The following NFU1 variants were observed in gnomAD, a reference collection of about 807,000 sequenced individuals.
NFU1 encodes the protein NFU1 iron-sulfur cluster scaffold.
In NFU1, 30 loss-of-function variants were observed where a neutral mutation model predicts 32.2. That is an observed-to-expected ratio of 0.93 (90% confidence interval 0.70 to 1.26). The LOEUF (loss-of-function observed/expected upper bound fraction) is 1.26. Ranked by LOEUF, NFU1 falls within the 50% of genes most tolerant of loss-of-function variation. The pLI, the probability that NFU1 is intolerant of heterozygous loss-of-function variation, is 0.00. For missense variants in NFU1, 306 were observed against 306.6 expected (o/e 1.00, Z 0.02); for synonymous variants, 112 against 104.6 (o/e 1.07, Z -0.43).
intron 1 of NFU1, 103 bp downstream of exon 1, chr2:69,437,258 A>T (rs1673875416): frequency 1.3e-6 from 2 of 1,517,536 alleles, no homozygotes; most frequent in Middle Eastern, 1.7e-4. Flanking sequence ...GCTCCATCAG[A>T]TGCACTACCC....
chr2:69,438,745 G>A (rs1198382872), upstream of NFU1, among the ~76,000 whole-genome samples: 1 of 152,044 alleles, frequency 6.6e-6, no homozygotes. Context: ...GAGGGTGGGT[G>A]GGTTTCAGGC....
In NFU1 at chr2:69,410,040, C is replaced by T. The variant is rs1281499481; in HGVS notation, c.485-3958G>A. Among the ~76,000 whole-genome samples, 5 of 152,182 alleles carry T rather than the reference C, an allele frequency of 3.3e-5. No homozygotes were observed. In the East Asian group the frequency reaches 9.6e-4, roughly 29 times the overall value. The stretch of plus-strand genomic sequence containing the variant: ...CCTTGACGGATATAAGATCAATATA[C>T]AAAAATCAACAGTATTCCAATACCC... On this transcript the variant is annotated intron_variant, in intron 5 of 7. Transcript: ENST00000410022.
chr2:69,437,282 G>A (rs1169622415), intron 1 of NFU1, 79 bp downstream of exon 1: 22 of 1,541,936 alleles, frequency 1.4e-5, no homozygotes, highest in Non-Finnish European at 1.7e-5. Context: ...CGCCTCGAGA[G>A]AGGGTCTGCA....
chr2:69,435,817 A>C (rs547520405), intron 1 of NFU1, among the ~76,000 whole-genome samples: 1 of 151,850 alleles, frequency 6.6e-6, no homozygotes, highest in East Asian at 1.9e-4. Flanking sequence ...CAGTGGCGTG[A>C]TCTTGGCTCA....
chr2:69,410,304 G>C (rs1285789835), intron 5 of NFU1, among the ~76,000 whole-genome samples: 16 of 152,066 alleles, frequency 1.1e-4, no homozygotes, highest in Non-Finnish European at 2.1e-4. Flanking sequence ...CAGGAGAATC[G>C]CTTGAACCTG....
upstream of NFU1, among the ~76,000 whole-genome samples, chr2:69,439,091 A>G (rs906930202): frequency 4.0e-5 from 6 of 150,620 alleles, no homozygotes; most frequent in African/African-American, 1.5e-4. Context: ...CCTCTTCCAC[A>G]CTCTTTTCTT....
chr2:69,433,972 T>C (rs1225625645), intron 1 of NFU1, among the ~76,000 whole-genome samples: 1 of 147,342 alleles, frequency 6.8e-6, no homozygotes, highest in Non-Finnish European at 1.5e-5. Context: ...CTGGTAGAGA[T>C]GGATTACCAC....
intron 5 of NFU1, among the ~76,000 whole-genome samples, chr2:69,409,145 C>T (rs1672800394): frequency 6.6e-6 from 1 of 151,854 alleles, no homozygotes; most frequent in African/African-American, 2.4e-5. Context: ...CCCAACCTAG[C>T]TTGTGCATTT....
chr2:69,415,799 G>A (rs1054826116), intron 4 of NFU1, among the ~76,000 whole-genome samples: 3 of 151,988 alleles, frequency 2.0e-5, no homozygotes, highest in Admixed American at 6.6e-5. Context: ...GATTACAGGC[G>A]TGAGCCACAG....
intron 4 of NFU1, among the ~76,000 whole-genome samples, chr2:69,419,220 G>T (rs1312646996): frequency 2.0e-5 from 3 of 152,112 alleles, no homozygotes; most frequent in East Asian, 3.9e-4. Flanking sequence ...GTGGCGGGGG[G>T]GGGCGCCGAG....
intron 1 of NFU1, among the ~76,000 whole-genome samples, chr2:69,436,968 C>T (rs1010544326): frequency 2.0e-5 from 3 of 152,196 alleles, no homozygotes; most frequent in African/African-American, 4.8e-5. Flanking sequence ...ATTTTCTTCC[C>T]TTCTGTGTGA....
chr2:69,414,896 A>G (rs1057442550), intron 5 of NFU1, among the ~76,000 whole-genome samples: 11 of 152,142 alleles, frequency 7.2e-5, no homozygotes, highest in African/African-American at 2.4e-4. Context: ...GTTTTTCCCA[A>G]AAGCCCATTC....
At chr2:69,412,846 GGT>G (rs1672931326) in intron 5 of NFU1, among the ~76,000 whole-genome samples, 1 of 135,854 alleles carries the variant, frequency 7.4e-6, no homozygotes. Context: ...TGACAGAGCA[GGT>G]CACTGTCTCA....
intron 6 of NFU1, among the ~76,000 whole-genome samples, chr2:69,404,718 C>T (rs1443620868): frequency 1.4e-5 from 2 of 145,866 alleles, no homozygotes; most frequent in African/African-American, 5.1e-5. Context: ...CTCCAGGGTT[C>T]AAGTGATTCT....
At chr2:69,417,756 A>G (rs542933403) in intron 4 of NFU1, among the ~76,000 whole-genome samples, 1 of 152,254 alleles carries the variant, frequency 6.6e-6, no homozygotes, top group Admixed American at 6.5e-5. Context: ...ATTTCACTTA[A>G]GAAAAAATTG....
chr2:69,423,643 GAA>G lies in NFU1; in HGVS notation c.239_240del (p.Val80AlafsTer2), dbSNP rs1319022226. The G allele has an allele frequency of 6.2e-7, 1 of 1,613,170 alleles. No individual in the cohort carries two copies. The highest frequency in any genetic ancestry group is 1.7e-5 in the Admixed American group (1 of 59,978). On this transcript the variant is annotated frameshift_variant, in exon 3 of 8. Transcript: ENST00000410022. LOFTEE classifies it high-confidence loss of function. ...NSLKFIPGKP[V>X]LETRTMDFPT... ...GGAAAATCCATGGTCCTTGTCTCAA[GAA>G]CTGGTTTTCCTGGTATAAACTTTAA...
Position 69,400,425 on chromosome 2 carries a change from A to G in NFU1, c.659T>C (p.Leu220Pro). The change falls in exon 7 of 8, where the codon CTG becomes CCG. Residue 220 changes from leucine (L) to proline (P), a missense_variant. Coordinates refer to ENST00000410022, the MANE Select transcript of NFU1 (RefSeq NM_001002755.4). ...CTSCPSSIIT[L>P]KNGIQNMLQF... ...CAGCATGTTCTGAATTCCATTTTTC[A>G]GAGTAATGATTGAACTAGGGCAGCT... 6.2e-7 allele frequency: 1 copy of G among 1,614,150 alleles called. No individual in the cohort carries two copies.
At chr2:69,419,838 T>C (rs762666257) in intron 3 of NFU1, among the ~76,000 whole-genome samples, 27 of 152,178 alleles carry the variant, frequency 1.8e-4, no homozygotes, top group Non-Finnish European at 2.9e-4. Context: ...TGTACATAAA[T>C]CTTCATAGCA....
intron 7 of NFU1, 149 bp downstream of exon 7, chr2:69,400,215 T>G (rs555758534): frequency 1.4e-6 from 1 of 722,750 alleles, no homozygotes; most frequent in African/African-American, 1.8e-5. Context: ...CTGATAAAAA[T>G]TGCAACACAA....
Sources: gnomAD v4.1 joint callset for allele counts (sites outside exome capture counted in the v4.1 genomes callset) on GRCh38, gnomAD v4.1.1 for gene constraint, MANE v1.5 for transcripts, NCBI Gene and HGNC (gene_info 2026-07-23, HGNC 2026-07-21) for gene names.